UGT1A8: variants seen among roughly 807,000 people sequenced by gnomAD.
The protein encoded by UGT1A8 is UDP glucuronosyltransferase family 1 member A8.
A neutral mutation model predicts 45.3 loss-of-function variants in UGT1A8; 39 were observed. The observed-to-expected ratio is 0.86, with a 90% confidence interval of 0.67 to 1.12. The LOEUF (loss-of-function observed/expected upper bound fraction) is 1.12. UGT1A8 is among the 50% of genes most tolerant of loss of function. UGT1A8 has a pLI of 0.00. For missense variants in UGT1A8, 719 were observed against 664.9 expected, an observed-to-expected ratio of 1.08 and a Z score of -0.90; for synonymous variants, 275 against 249.2, an observed-to-expected ratio of 1.10 and a Z score of -0.97.
At chr2:233,770,670 A>C (rs1409019520) in intron 4 of UGT1A8, 2 of 152,132 alleles carry the variant, frequency 1.3e-5, no homozygotes, top group Non-Finnish European at 2.9e-5. Flanking sequence ...TTAAAAAAAA[A>C]AAAAAGAAGG....
intron 1 of UGT1A8, chr2:233,755,910 A>C (rs1252525299): frequency 2.6e-5 from 4 of 151,394 alleles, no homozygotes; most frequent in African/African-American, 7.3e-5. Flanking sequence ...AAATGTAGTG[A>C]GAAGAGTGGC....
At chr2:233,619,777 T>A (rs1390940925) in intron 1 of UGT1A8, among the ~76,000 whole-genome samples, 2 of 152,212 alleles carry the variant, frequency 1.3e-5, no homozygotes, top group East Asian at 3.8e-4. Flanking sequence ...TTCTTATTAT[T>A]TTGTAGTATG....
intron 1 of UGT1A8, among the ~76,000 whole-genome samples, chr2:233,758,412 A>C (rs1428441093): frequency 6.6e-6 from 1 of 152,106 alleles, no homozygotes; most frequent in Non-Finnish European, 1.5e-5. Context: ...TACTGTCTAT[A>C]ATCTGCAAAT....
At chr2:233,618,973 A>G (rs1419582084) in intron 1 of UGT1A8, among the ~76,000 whole-genome samples, 1 of 152,174 alleles carries the variant, frequency 6.6e-6, no homozygotes, top group Admixed American at 6.5e-5. Flanking sequence ...TATAGATCAT[A>G]TTTAGCCCAC....
Position 233,618,635 on chromosome 2 carries a change from T to G in UGT1A8, c.855+73T>G, listed in dbSNP as rs1213522722. On this transcript the variant is annotated intron_variant, in intron 1 of 4. Coordinates refer to ENST00000373450, the MANE Select transcript of UGT1A8 (RefSeq NM_019076.5). Reference sequence around the variant, plus strand: ...ATTAAAAAAAGATTCCTTACTGAATTGTGATTTGACATTTTCATTTGTTGC... The same window carrying G: ...ATTAAAAAAAGATTCCTTACTGAATGGTGATTTGACATTTTCATTTGTTGC... 4.6e-6 allele frequency: 7 copies of G among 1,528,290 alleles called. No individual in the cohort carries two copies. In the East Asian group the frequency reaches 1.4e-4, roughly 30 times the overall value. 94.7% of individuals were successfully genotyped at this position (1,528,290 alleles called of 1,614,324 possible).
intron 1 of UGT1A8, among the ~76,000 whole-genome samples, chr2:233,763,590 A>T (rs772976697): frequency 6.6e-6 from 1 of 152,156 alleles, no homozygotes; most frequent in East Asian, 1.9e-4. Context: ...TTCCTTTGTT[A>T]ACTAAAAATG....
intron 1 of UGT1A8, chr2:233,743,913 C>T: frequency 7.3e-7 from 1 of 1,365,508 alleles, no homozygotes; most frequent in South Asian, 1.1e-5. Flanking sequence ...TAGTAGTCCA[C>T]CATGCTGGAT....
rs1357806418 is a variant in UGT1A8 at position 233,725,294 on chromosome 2, A to G, written c.856-41740A>G. ...CAGAGGCAGAGGCAGAGGCAGAGGC[A>G]GAGGCAGAGGCAGAGGCAGAGGCGC... On this transcript the variant is annotated intron_variant, in intron 1 of 4. Coordinates refer to ENST00000373450, the MANE Select transcript of UGT1A8 (RefSeq NM_019076.5). 6.7e-5 allele frequency among the ~76,000 whole-genome samples: 7 copies of G among 104,870 alleles called. 1 individual carries two copies. The highest frequency in any genetic ancestry group is 6.5e-4 in the South Asian group (2 of 3,086). The allele number at this position is 104,870 out of a possible 152,430, so 68.8% of individuals were successfully genotyped here. A position where few individuals can be genotyped will look rare whatever the true frequency, so the allele number is the denominator to read the frequency against.
Position 233,620,070 on chromosome 2 carries a change from A to G in UGT1A8, c.855+1508A>G, listed in dbSNP as rs535835122. On this transcript the variant is annotated intron_variant, in intron 1 of 4. Transcript: ENST00000373450. Reference sequence around the variant, plus strand: ...AGGGATGGAGTATACATTTTTGTCTATTGTTCTGGCTTCTTATAAGGTTCA... The same window carrying G: ...AGGGATGGAGTATACATTTTTGTCTGTTGTTCTGGCTTCTTATAAGGTTCA... 7.2e-5 allele frequency among the ~76,000 whole-genome samples: 11 copies of G among 152,216 alleles called. No homozygotes were observed. The South Asian group carries it at 1.5e-3, about 20-fold the overall frequency.
At chr2:233,630,298 C>T (rs991340130) in intron 1 of UGT1A8, among the ~76,000 whole-genome samples, 6 of 152,022 alleles carry the variant, frequency 3.9e-5, no homozygotes, top group Non-Finnish European at 8.8e-5. Context: ...TAGGGTGTCC[C>T]GAAAGGAGCC....
At chr2:233,756,820 A>C (rs1170883344) in intron 1 of UGT1A8, among the ~76,000 whole-genome samples, 1 of 152,072 alleles carries the variant, frequency 6.6e-6, no homozygotes, top group Admixed American at 6.5e-5. Context: ...CTCAATTCCA[A>C]GGGGAAAATG....
Position 233,618,022 on chromosome 2 carries a change from G to T in UGT1A8, c.315G>T (p.Leu105Phe). ...AATGGAAAGCACAAGTACGAAGTTTGTTTTCTCTATTTCTGAGTTCATCCA... is the reference window on the plus strand; with the variant it reads ...AATGGAAAGCACAAGTACGAAGTTTTTTTTCTCTATTTCTGAGTTCATCCA... Reference protein sequence around the residue: ...DAQWKAQVRSLFSLFLSSSNG... With the variant: ...DAQWKAQVRSFFSLFLSSSNG... Residue 105 changes from leucine (L) to phenylalanine (F), a missense_variant, in exon 1 of 5, where the codon TTG (leucine) becomes TTT (phenylalanine). By Grantham distance (22) the Leu-to-Phe change is conservative. Coordinates refer to ENST00000373450, the MANE Select transcript of UGT1A8 (RefSeq NM_019076.5). 6.2e-7 allele frequency: 1 copy of T among 1,614,112 alleles called. No homozygotes were observed. The highest frequency in any genetic ancestry group is 8.5e-7 in the Non-Finnish European group (1 of 1,180,008).
At chr2:233,756,614 T>C (rs978971075) in intron 1 of UGT1A8, among the ~76,000 whole-genome samples, 2 of 152,204 alleles carry the variant, frequency 1.3e-5, no homozygotes, top group African/African-American at 4.8e-5. Context: ...CCATTAAGAC[T>C]TGCAGGCCGT....
At chr2:233,713,274 G>A in intron 1 of UGT1A8, 1 of 1,614,182 alleles carries the variant, frequency 6.2e-7, no homozygotes, top group Non-Finnish European at 8.5e-7. Flanking sequence ...CCTTTTGCTG[G>A]GTCACACTCA....
intron 1 of UGT1A8, chr2:233,713,113 G>A: frequency 6.2e-7 from 1 of 1,614,226 alleles, no homozygotes; most frequent in Non-Finnish European, 8.5e-7. Flanking sequence ...GGCAGCCACT[G>A]GCTCAGCATG....
chr2:233,639,239 T>C (rs1259832450), intron 1 of UGT1A8, among the ~76,000 whole-genome samples: 1 of 152,234 alleles, frequency 6.6e-6, no homozygotes, highest in East Asian at 1.9e-4. Context: ...TCTATATCTA[T>C]TAAAGAATAT....
At chr2:233,634,935 G>A (rs1248824154) in intron 1 of UGT1A8, among the ~76,000 whole-genome samples, 1 of 150,792 alleles carries the variant, frequency 6.6e-6, no homozygotes, top group Admixed American at 6.6e-5. Flanking sequence ...TGCAGTGGCT[G>A]GTACCGGTTT....
intron 1 of UGT1A8, chr2:233,637,282 C>G: frequency 6.2e-7 from 1 of 1,613,936 alleles, no homozygotes; most frequent in Non-Finnish European, 8.5e-7. Flanking sequence ...TTGGTTGTTG[C>G]GAACGGACTT....
At position 233,704,405 on chromosome 2, in the gene UGT1A8, A is replaced by C. The variant is rs761303272; in HGVS notation, c.856-62629A>C. 5.7e-4 allele frequency among the ~76,000 whole-genome samples: 87 copies of C among 152,010 alleles called. 2 individuals carry two copies. The highest frequency in any genetic ancestry group is 1.3e-4 in the Admixed American group (2 of 15,270). On this transcript the variant is annotated intron_variant, in intron 1 of 4. Coordinates refer to ENST00000373450, the MANE Select transcript of UGT1A8 (RefSeq NM_019076.5). ...ATTTTAACTTACCAGTATCTACTTC[A>C]GATTTATACCAACTTAATTCCAGTT... is the stretch of plus-strand genomic sequence containing the variant.
Sources: allele counts gnomAD v4.1 joint callset (sites outside exome capture counted in the v4.1 genomes callset), GRCh38; gene constraint gnomAD v4.1.1; transcripts MANE v1.5; gene names NCBI Gene and HGNC (gene_info 2026-07-23, HGNC 2026-07-21).